NRXN3: variants seen among roughly 807,000 people sequenced by gnomAD.
The protein encoded by NRXN3 is neurexin 3, also known as neurexin III.
NRXN3 carries 32 observed loss-of-function variants against 137.6 expected under a neutral mutation model. The ratio of observed to expected loss-of-function variants is 0.23; its 90% CI spans 0.18 to 0.31. The LOEUF (loss-of-function observed/expected upper bound fraction) is 0.31. Among genes scored for constraint, NRXN3 ranks in the 10% least tolerant of loss-of-function variants. NRXN3 has a pLI of 1.00. For synonymous variants in NRXN3, 798 were observed against 784.5 expected (o/e 1.02, Z -0.29); for missense variants, 1,574 against 2,062.5 (o/e 0.76, Z 4.59).
intron 4 of NRXN3, among the ~76,000 whole-genome samples, chr14:78,340,634 C>T (rs2082046960): frequency 6.6e-6 from 1 of 152,144 alleles, no homozygotes; most frequent in Non-Finnish European, 1.5e-5. Context: ...TGCGGCTCCT[C>T]AAACCAGAAA....
intron 10 of NRXN3, among the ~76,000 whole-genome samples, chr14:78,882,651 T>G (rs967016734): frequency 1.3e-5 from 2 of 151,748 alleles, no homozygotes; most frequent in African/African-American, 4.9e-5. Flanking sequence ...ATCTAGGAAG[T>G]AACTAACTTC....
At chr14:79,128,722 C>G (rs1162410858) in intron 15 of NRXN3, among the ~76,000 whole-genome samples, 1 of 151,986 alleles carries the variant, frequency 6.6e-6, no homozygotes. Flanking sequence ...CCCTCTTTTT[C>G]TATTGATTGG....
intron 15 of NRXN3, among the ~76,000 whole-genome samples, chr14:79,370,706 G>A (rs2094075899): frequency 6.6e-6 from 1 of 152,016 alleles, no homozygotes; most frequent in Non-Finnish European, 1.5e-5. Flanking sequence ...GACTGAGCTT[G>A]GGACTACCTC....
chr14:79,790,922 T>C (rs888105209), intron 19 of NRXN3, among the ~76,000 whole-genome samples: 1 of 152,148 alleles, frequency 6.6e-6, no homozygotes, highest in Admixed American at 6.5e-5. Flanking sequence ...GTGCTGGGAT[T>C]ACAGGCATGA....
chr14:79,026,115 G>A (rs2099597602), intron 15 of NRXN3, among the ~76,000 whole-genome samples: 1 of 152,108 alleles, frequency 6.6e-6, no homozygotes. Flanking sequence ...AAGTAGGACT[G>A]GAAAAATGTG....
chr14:79,076,830 G>A (rs761995969), intron 15 of NRXN3, among the ~76,000 whole-genome samples: 7 of 152,138 alleles, frequency 4.6e-5, no homozygotes, highest in Non-Finnish European at 7.4e-5. Context: ...CTGAGATGGC[G>A]TGTAAAAAGT....
chr14:79,691,489 C>T (rs2098716367), intron 17 of NRXN3, among the ~76,000 whole-genome samples: 1 of 151,994 alleles, frequency 6.6e-6, no homozygotes, highest in Non-Finnish European at 1.5e-5. Flanking sequence ...TTTCCTTTGA[C>T]ATTTGAGTTT....
At chr14:79,764,604 C>T (rs1302054486) in intron 19 of NRXN3, among the ~76,000 whole-genome samples, 3 of 152,090 alleles carry the variant, frequency 2.0e-5, no homozygotes, top group African/African-American at 4.8e-5. Flanking sequence ...TCTTTCTTTT[C>T]TTCTAGACTC....
At chr14:79,540,621 G>C (rs1045919521) in intron 16 of NRXN3, among the ~76,000 whole-genome samples, 2 of 152,038 alleles carry the variant, frequency 1.3e-5, no homozygotes, top group African/African-American at 4.8e-5. Context: ...AGGTAAATCA[G>C]GATTACAATA....
intron 20 of NRXN3, among the ~76,000 whole-genome samples, chr14:79,813,262 A>G (rs542020971): frequency 6.6e-6 from 1 of 152,280 alleles, no homozygotes; most frequent in Non-Finnish European, 1.5e-5. Flanking sequence ...TGCTGACTCC[A>G]TAATTCAGTT....
At chr14:79,278,745 C>T (rs1391750043) in intron 15 of NRXN3, among the ~76,000 whole-genome samples, 1 of 152,202 alleles carries the variant, frequency 6.6e-6, no homozygotes, top group Non-Finnish European at 1.5e-5. Flanking sequence ...GCCCTTCACC[C>T]TTTGGAGTCC....
intron 15 of NRXN3, among the ~76,000 whole-genome samples, chr14:79,357,264 A>T (rs1392199893): frequency 1.3e-5 from 2 of 152,214 alleles, no homozygotes; most frequent in Non-Finnish European, 2.9e-5. Flanking sequence ...CAAATGACCA[A>T]GTAAAAGTAG....
chr14:79,634,193 A>C (rs2098384939), intron 16 of NRXN3, among the ~76,000 whole-genome samples: 1 of 152,212 alleles, frequency 6.6e-6, no homozygotes, highest in South Asian at 2.1e-4. Context: ...GGCTAGCCCT[A>C]GCAATCCTAC....
intron 20 of NRXN3, among the ~76,000 whole-genome samples, chr14:79,832,577 G>A (rs2099327148): frequency 6.6e-6 from 1 of 152,142 alleles, no homozygotes; most frequent in East Asian, 1.9e-4. Context: ...GGCATCTAGT[G>A]GGTAGAGGTC....
In NRXN3 at chr14:79,064,325, C is replaced by T. The variant is rs373935684; in HGVS notation, c.3262+76184C>T. 2.7e-4 allele frequency among the ~76,000 whole-genome samples: 41 copies of T among 152,074 alleles called. No individual in the cohort carries two copies. The South Asian group carries it at 5.0e-3, about 18-fold the overall frequency. The stretch of plus-strand genomic sequence containing the variant: ...TAAGTTTTTTTTTCAGTGTTGTTCA[C>T]GGAACTGCAAGTGGTATAGAGGTTC... On this transcript the variant is annotated intron_variant, in intron 15 of 20. Transcript: ENST00000335750.
chr14:78,565,318 T>G lies in NRXN3; in HGVS notation c.758-79802T>G, dbSNP rs35318158. On this transcript the variant is annotated intron_variant, in intron 4 of 20. Coordinates refer to ENST00000335750, the MANE Select transcript of NRXN3 (RefSeq NM_001330195.2). ...GTAAACAGAGCTCTACCACCAGGAT[T>G]TCTCAGAAGCTCTTTCTCCACACTG... Among the ~76,000 whole-genome samples, 1,501 of 152,296 alleles carry G rather than the reference T, an allele frequency of 9.9e-3. 13 individuals carry two copies. Among genetic ancestry groups the G allele is most frequent in the Non-Finnish European group, 0.015 (1,044 of 68,014 alleles).
intron 16 of NRXN3, among the ~76,000 whole-genome samples, chr14:79,492,959 A>T (rs1363158059): frequency 6.6e-6 from 1 of 152,188 alleles, no homozygotes; most frequent in African/African-American, 2.4e-5. Context: ...TCAAATGAAG[A>T]AATGCCAAAA....
chr14:78,352,521 T>C (rs2083680182), intron 4 of NRXN3, among the ~76,000 whole-genome samples: 3 of 152,144 alleles, frequency 2.0e-5, no homozygotes, highest in Non-Finnish European at 2.9e-5. Flanking sequence ...TGACCCCTGG[T>C]TGAAGAAACC....
intron 8 of NRXN3, among the ~76,000 whole-genome samples, chr14:78,765,144 G>A (rs1454214881): frequency 6.6e-6 from 1 of 152,002 alleles, no homozygotes; most frequent in Non-Finnish European, 1.5e-5. Context: ...TTGTTTGCCT[G>A]GTGTCCTTTT....
Sources: allele counts gnomAD v4.1 joint callset (sites outside exome capture counted in the v4.1 genomes callset), GRCh38; gene constraint gnomAD v4.1.1; transcripts MANE v1.5; gene names NCBI Gene and HGNC (gene_info 2026-07-23, HGNC 2026-07-21).